The following APBB2 variants were observed in gnomAD, a reference collection of about 807,000 sequenced individuals.
APBB2 encodes amyloid beta precursor protein binding family B member 2.
In APBB2, 38 loss-of-function variants were observed where a neutral mutation model predicts 82.5. The ratio of observed to expected loss-of-function variants is 0.46; its 90% CI spans 0.36 to 0.60. APBB2 has a LOEUF of 0.60. Ranked by LOEUF, APBB2 falls within the 20% of genes least tolerant of loss-of-function variation. The probability of loss-of-function intolerance (pLI) is 0.00; values close to 1 mark genes in which losing one functional copy is unlikely to be tolerated. For missense variants in APBB2, 772 were observed against 972.3 expected, an observed-to-expected ratio of 0.79 and a Z score of 2.74; for synonymous variants, 341 against 368.2, an observed-to-expected ratio of 0.93 and a Z score of 0.85.
At chr4:40,955,523 A>C (rs1250181486) in intron 6 of APBB2, among the ~76,000 whole-genome samples, 1 of 152,266 alleles carries the variant, frequency 6.6e-6, no homozygotes, top group Non-Finnish European at 1.5e-5. Flanking sequence ...TCTCTTACAA[A>C]GTCTTAGTGG....
At chr4:40,900,971 G>A (rs13136284) in intron 10 of APBB2, among the ~76,000 whole-genome samples, 36,035 of 152,008 alleles carry the variant, frequency 0.24, 5,266 homozygotes, top group East Asian at 0.55. Context: ...GGGCATATTC[G>A]TTTGGCTGCC....
At chr4:41,015,756 GTTATTAT>G (rs908188034) in intron 5 of APBB2, among the ~76,000 whole-genome samples, 25 of 152,104 alleles carry the variant, frequency 1.6e-4, no homozygotes, top group Non-Finnish European at 3.5e-4. Flanking sequence ...ATTCTTTAAA[GTTATTAT>G]TTATCGGGAT....
intron 7 of APBB2, among the ~76,000 whole-genome samples, chr4:40,939,399 G>A (rs1474007513): frequency 6.6e-6 from 1 of 152,120 alleles, no homozygotes; most frequent in Non-Finnish European, 1.5e-5. Flanking sequence ...CTGCAAATGA[G>A]TTTCCTTACG....
chr4:40,881,479 A>C, intron 12 of APBB2: 3 of 567,130 alleles, frequency 5.3e-6, no homozygotes, highest in Non-Finnish European at 6.7e-6. Context: ...TCAAAAACAA[A>C]AGAGACCCAT....
At position 41,127,515 on chromosome 4, in the gene APBB2, G is replaced by C. The variant is rs1754733586; in HGVS notation, c.-261+15472C>G. Among the ~76,000 whole-genome samples the C allele has an allele frequency of 2.0e-5, 3 of 152,060 alleles. No homozygotes were observed. Among genetic ancestry groups the C allele is most frequent in the Non-Finnish European group, 4.4e-5 (3 of 68,030 alleles). On this transcript the variant is annotated intron_variant, in intron 2 of 17. Coordinates refer to ENST00000508593, the MANE Select transcript of APBB2 (RefSeq NM_004307.2). The surrounding 1 kb of genome is among the most constrained non-coding windows in gnomAD (Gnocchi z 4.8). Reference sequence around the variant, plus strand: ...ACTACCTGCTTCCAACATCAAACTGGGTTCAGCAAATGATAACACTATCGG... The same window carrying C: ...ACTACCTGCTTCCAACATCAAACTGCGTTCAGCAAATGATAACACTATCGG...
At chr4:41,096,663 G>A (rs1426144307) in intron 3 of APBB2, among the ~76,000 whole-genome samples, 1 of 151,936 alleles carries the variant, frequency 6.6e-6, no homozygotes, top group African/African-American at 2.4e-5. Context: ...AGTAGCAGCA[G>A]GTACCAAAAT....
intron 1 of APBB2, among the ~76,000 whole-genome samples, chr4:41,148,414 T>C (rs1464680519): frequency 1.3e-5 from 2 of 152,212 alleles, no homozygotes; most frequent in African/African-American, 2.4e-5. Context: ...ATGATACTAT[T>C]AGCCAACTTC....
rs982111568 is a variant in APBB2, at chr4:40,826,372, C to T, written c.1733-402G>A. Among the ~76,000 whole-genome samples, 11 of 136,606 alleles carry T rather than the reference C, an allele frequency of 8.1e-5. No individual in the cohort carries two copies. The highest frequency in any genetic ancestry group is 2.0e-4 in the East Asian group (1 of 5,042). The allele number at this position is 136,606 out of a possible 152,430, so 89.6% of individuals were successfully genotyped here. On this transcript the variant is annotated intron_variant, in intron 14 of 17. Transcript: ENST00000508593. The surrounding 1 kb of genome is among the most constrained non-coding windows in gnomAD (Gnocchi z 4.5). Reference sequence around the variant, plus strand: ...CTGAGTTCCCCCAGTAATCAACCCACGTTTTTTTTTTTTTAGAGACAAGAG... The same window carrying T: ...CTGAGTTCCCCCAGTAATCAACCCATGTTTTTTTTTTTTTAGAGACAAGAG...
intron 3 of APBB2, among the ~76,000 whole-genome samples, chr4:41,066,493 C>T (rs1382716148): frequency 6.6e-6 from 1 of 152,168 alleles, no homozygotes; most frequent in Non-Finnish European, 1.5e-5. Context: ...AAAGGATGCA[C>T]ACAAACTGGC....
intron 12 of APBB2, among the ~76,000 whole-genome samples, chr4:40,852,336 G>A (rs1759739800): frequency 7.8e-6 from 1 of 128,590 alleles, no homozygotes; most frequent in Non-Finnish European, 1.6e-5. Context: ...GGGTGACAGA[G>A]CAAAACTCTG....
chr4:40,907,536 G>T (rs924415909), intron 10 of APBB2, among the ~76,000 whole-genome samples: 3 of 150,862 alleles, frequency 2.0e-5, no homozygotes, highest in African/African-American at 7.3e-5. Flanking sequence ...AAGCCTGGCT[G>T]ATTTTTGTAT....
At chr4:41,035,108 A>G (rs1032402401) in intron 4 of APBB2, among the ~76,000 whole-genome samples, 4 of 152,372 alleles carry the variant, frequency 2.6e-5, no homozygotes, top group Middle Eastern at 6.8e-3. Flanking sequence ...TTACGTGCAC[A>G]TTTCTATATG....
intron 2 of APBB2, among the ~76,000 whole-genome samples, chr4:41,111,564 T>G (rs2153981703): frequency 6.6e-6 from 1 of 152,358 alleles, no homozygotes; most frequent in East Asian, 1.9e-4. Flanking sequence ...GCTAGTTGTC[T>G]CTGGGTTTCT....
At chr4:40,844,080 T>C (rs1756778200) in intron 12 of APBB2, among the ~76,000 whole-genome samples, 1 of 152,226 alleles carries the variant, frequency 6.6e-6, no homozygotes, top group Non-Finnish European at 1.5e-5. Context: ...TTCCTCTCTT[T>C]TGGTGAACTT....
At chr4:40,857,148 C>T (rs751479146) in intron 12 of APBB2, 242 of 985,414 alleles carry the variant, frequency 2.5e-4, no homozygotes, top group Non-Finnish European at 2.8e-4. Context: ...CTGCCCCGGG[C>T]TCAAGTTGAA....
At chr4:40,947,772 A>G (rs1321543904) in intron 6 of APBB2, among the ~76,000 whole-genome samples, 1 of 152,206 alleles carries the variant, frequency 6.6e-6, no homozygotes, top group Non-Finnish European at 1.5e-5. Context: ...AAGCCTTGTG[A>G]GGGTAGGCAG....
In APBB2 at chr4:41,007,913, C is replaced by T. The variant is rs114139062; in HGVS notation, c.835+5670G>A. Reference sequence around the variant, plus strand: ...TAATGCCGAAAGCCACTAAGATAAACATGATAGCAGAAACTTAGAAACATT... The same window carrying T: ...TAATGCCGAAAGCCACTAAGATAAATATGATAGCAGAAACTTAGAAACATT... On this transcript the variant is annotated intron_variant, in intron 6 of 17. Coordinates refer to ENST00000508593, the MANE Select transcript of APBB2 (RefSeq NM_004307.2). 4.1e-3 allele frequency among the ~76,000 whole-genome samples: 621 copies of T among 152,194 alleles called. 6 individuals carry two copies. Among genetic ancestry groups the T allele is most frequent in the African/African-American group, 0.014 (600 of 41,534 alleles).
At chr4:40,821,759 A>T in intron 17 of APBB2, 112 bp downstream of exon 17, 1 of 1,240,730 alleles carries the variant, frequency 8.1e-7, no homozygotes, top group Non-Finnish European at 1.1e-6. Flanking sequence ...GTAAAGCATT[A>T]CTTTAGGGAT....
intron 10 of APBB2, among the ~76,000 whole-genome samples, chr4:40,901,129 A>T (rs1021666810): frequency 1.3e-5 from 2 of 152,274 alleles, no homozygotes; most frequent in South Asian, 4.2e-4. Context: ...ACTTATTAGC[A>T]GTGTGACCCA....
Sources: gnomAD v4.1 joint callset for allele counts (sites outside exome capture counted in the v4.1 genomes callset) on GRCh38, gnomAD v4.1.1 for gene constraint, Gnocchi (gnomAD v3.1) non-coding constraint, MANE v1.5 for transcripts, NCBI Gene and HGNC (gene_info 2026-07-23, HGNC 2026-07-21) for gene names.